FAM240B: variants seen among roughly 807,000 people sequenced by gnomAD.
FAM240B encodes the protein protein FAM240B.
At chr9:38,701,332 C>T (rs1821125041) in intron 2 of FAM240B, among the ~76,000 whole-genome samples, 1 of 152,092 alleles carries the variant, frequency 6.6e-6, no homozygotes, top group African/African-American at 2.4e-5. Context: ...ATTTGCTCAG[C>T]TCAGCGGGGA....
intron 1 of FAM240B, among the ~76,000 whole-genome samples, chr9:38,710,645 G>A (rs989550477): frequency 1.3e-5 from 2 of 152,176 alleles, no homozygotes; most frequent in African/African-American, 4.8e-5. Context: ...CAACGACAGG[G>A]CGTGGAAGTG....
chr9:38,717,751 G>A (rs963657900), intron 1 of FAM240B, among the ~76,000 whole-genome samples: 1 of 152,074 alleles, frequency 6.6e-6, no homozygotes, highest in African/African-American at 2.4e-5. Context: ...CAAAGTTCTG[G>A]GATTACAAGC....
chr9:38,717,546 T>C (rs1821321165), intron 1 of FAM240B, among the ~76,000 whole-genome samples: 1 of 152,204 alleles, frequency 6.6e-6, no homozygotes, highest in African/African-American at 2.4e-5. Flanking sequence ...AGTGGCGCAA[T>C]CTTGGCTTAC....
intron 1 of FAM240B, among the ~76,000 whole-genome samples, chr9:38,708,483 C>G (rs1821216879): frequency 6.6e-6 from 1 of 152,194 alleles, no homozygotes; most frequent in Non-Finnish European, 1.5e-5. Flanking sequence ...ACAGCTGCAT[C>G]CCTACCTCCC....
chr9:38,696,017 G>A (rs2118996434), intron 2 of FAM240B, among the ~76,000 whole-genome samples: 1 of 152,310 alleles, frequency 6.6e-6, no homozygotes, highest in South Asian at 2.1e-4. Context: ...ATCTGCTACA[G>A]TCTGAACGTG....
chr9:38,699,390 C>T (rs1234843412), intron 2 of FAM240B, among the ~76,000 whole-genome samples: 1 of 152,126 alleles, frequency 6.6e-6, no homozygotes, highest in East Asian at 1.9e-4. Flanking sequence ...TGGGAAACAC[C>T]TGCGAAAAGT....
chr9:38,703,748 C>G, intron 2 of FAM240B, 109 bp downstream of exon 2: 1 of 397,122 alleles, frequency 2.5e-6, no homozygotes, highest in Non-Finnish European at 4.4e-6. Flanking sequence ...GCATATGTAC[C>G]TTCCTACAGC....
intron 1 of FAM240B, among the ~76,000 whole-genome samples, chr9:38,711,373 AC>A (rs1372805056): frequency 6.6e-6 from 1 of 152,082 alleles, no homozygotes; most frequent in Non-Finnish European, 1.5e-5. Context: ...AGGTGAAAAT[AC>A]CTTTAGGTCC....
chr9:38,719,245 C>T (rs977600830), intron 1 of FAM240B, among the ~76,000 whole-genome samples: 1 of 151,502 alleles, frequency 6.6e-6, no homozygotes, highest in Non-Finnish European at 1.5e-5. Flanking sequence ...TCTGCATCCC[C>T]CCCCACCCCC....
chr9:38,699,915 C>G (rs1195235155), intron 2 of FAM240B, among the ~76,000 whole-genome samples: 3 of 152,196 alleles, frequency 2.0e-5, no homozygotes, highest in Non-Finnish European at 4.4e-5. Flanking sequence ...TATGAAAAGT[C>G]AGATGACAAT....
At chr9:38,709,560 C>G (rs1037199570) in intron 1 of FAM240B, among the ~76,000 whole-genome samples, 3 of 152,142 alleles carry the variant, frequency 2.0e-5, no homozygotes, top group African/African-American at 7.2e-5. Flanking sequence ...GTGGTGCCCC[C>G]GTCGGGGCTC....
At chr9:38,707,551 G>A (rs1194186005) in intron 1 of FAM240B, among the ~76,000 whole-genome samples, 1 of 150,628 alleles carries the variant, frequency 6.6e-6, no homozygotes, top group African/African-American at 2.4e-5. Flanking sequence ...GGCGGATCAC[G>A]AGGTCAAGAG....
At chr9:38,705,548 C>T (rs1458947727) in intron 1 of FAM240B, 1 of 143,074 alleles carries the variant, frequency 7.0e-6, no homozygotes, top group Non-Finnish European at 1.5e-5. Context: ...GAGATCGCGC[C>T]ACTGCACTCC....
chr9:38,713,220 T>A (rs192179748), intron 1 of FAM240B, among the ~76,000 whole-genome samples: 2 of 152,272 alleles, frequency 1.3e-5, no homozygotes, highest in Non-Finnish European at 2.9e-5. Flanking sequence ...GGCTCACGCC[T>A]GTAATCCCAG....
chr9:38,711,130 C>T (rs531381003), intron 1 of FAM240B, among the ~76,000 whole-genome samples: 5 of 152,306 alleles, frequency 3.3e-5, no homozygotes, highest in East Asian at 1.9e-4. Context: ...TGATTCTCTG[C>T]GCATCACATC....
chr9:38,697,168 G>C (rs573210803), intron 2 of FAM240B, among the ~76,000 whole-genome samples: 1 of 152,218 alleles, frequency 6.6e-6, no homozygotes, highest in Non-Finnish European at 1.5e-5. Context: ...CTTTTACTGG[G>C]TGTGGTGGCC....
intron 1 of FAM240B, among the ~76,000 whole-genome samples, chr9:38,717,789 A>C (rs1441902049): frequency 6.6e-6 from 1 of 152,142 alleles, no homozygotes; most frequent in African/African-American, 2.4e-5. Flanking sequence ...GCCAAGAGTT[A>C]CAAAGTTTTA....
At position 38,694,740 on chromosome 9, in the gene FAM240B, G is replaced by C. The variant is rs1407553105; in HGVS notation, c.*36C>G. The C allele has an allele frequency of 2.5e-6, 1 of 398,396 alleles. No homozygotes were observed. Among genetic ancestry groups the C allele is most frequent in the African/African-American group, 2.1e-5 (1 of 48,592 alleles). The allele number at this position is 398,396 out of a possible 1,614,324, so 24.7% of individuals were successfully genotyped here. A position where few individuals can be genotyped will look rare whatever the true frequency, so the allele number is the denominator to read the frequency against. On this transcript the variant is annotated 3_prime_UTR_variant, in exon 3 of 3. Coordinates refer to ENST00000637493, the MANE Select transcript of FAM240B (RefSeq NM_001394922.1). ...GTTTTTTTCCCCTAGAAAAGTGGTC[G>C]CTTGCTATCTTTGAAGTCGGTGAGG... is the stretch of plus-strand genomic sequence containing the variant.
chr9:38,709,663 C>T (rs1166477764), intron 1 of FAM240B, among the ~76,000 whole-genome samples: 1 of 152,170 alleles, frequency 6.6e-6, no homozygotes, highest in Non-Finnish European at 1.5e-5. Flanking sequence ...TGGGATGGAC[C>T]AGTAGGGTTT....
Sources: allele counts gnomAD v4.1 joint callset (sites outside exome capture counted in the v4.1 genomes callset), GRCh38; gene constraint gnomAD v4.1.1; transcripts MANE v1.5; gene names NCBI Gene and HGNC (gene_info 2026-07-23, HGNC 2026-07-21).